The following ARNT2 variants were observed in gnomAD, a reference collection of about 807,000 sequenced individuals.
ARNT2 encodes ARNT protein 2.
Under a neutral mutation model 91.7 loss-of-function variants are expected in ARNT2, and 36 were observed. The observed-to-expected ratio is 0.39, with a 90% CI of 0.30 to 0.52. The LOEUF (loss-of-function observed/expected upper bound fraction) is 0.52, where lower values mean the gene tolerates loss of function less well. ARNT2 is among the 20% of genes least tolerant of loss of function. ARNT2 has a pLI of 0.72. For missense variants in ARNT2, 775 were observed against 939.3 expected, an observed-to-expected ratio of 0.83 and a Z score of 2.29; for synonymous variants, 365 against 347.1, an observed-to-expected ratio of 1.05 and a Z score of -0.57.
At chr15:80,429,830 C>T (rs1001436398) in intron 1 of ARNT2, among the ~76,000 whole-genome samples, 2 of 152,270 alleles carry the variant, frequency 1.3e-5, no homozygotes, top group Admixed American at 1.3e-4. Context: ...AAAGCCCGCC[C>T]ACTGACAGAG....
chr15:80,495,509 G>A (rs1235945403), intron 5 of ARNT2, among the ~76,000 whole-genome samples: 1 of 152,192 alleles, frequency 6.6e-6, no homozygotes, highest in Non-Finnish European at 1.5e-5. Context: ...GTTCCGGGAG[G>A]TAGAAGTTTT....
Position 80,579,570 on chromosome 15 carries a change from G to A in ARNT2, c.1614-841G>A, listed in dbSNP as rs117975564. On this transcript the variant is annotated intron_variant, in intron 15 of 18. Coordinates refer to ENST00000303329, the MANE Select transcript of ARNT2 (RefSeq NM_014862.4). ...TGATGAGCCCCATTCTGCCCTACTTGACTGATTCATGGGCACCCAGCGCAC... is the reference window on the plus strand; with the variant it reads ...TGATGAGCCCCATTCTGCCCTACTTAACTGATTCATGGGCACCCAGCGCAC... 4.3e-3 allele frequency among the ~76,000 whole-genome samples: 648 copies of A among 152,206 alleles called. 3 individuals carry two copies. Among genetic ancestry groups the A allele is most frequent in the Non-Finnish European group, 7.3e-3 (495 of 68,016 alleles).
chr15:80,564,618 A>T (rs903296353), intron 12 of ARNT2, among the ~76,000 whole-genome samples: 2 of 151,954 alleles, frequency 1.3e-5, no homozygotes, highest in South Asian at 2.1e-4. Context: ...CTTCAGCTGA[A>T]TCCATCACCC....
chr15:80,490,738 A>G (rs999810502), intron 5 of ARNT2, among the ~76,000 whole-genome samples: 4 of 152,240 alleles, frequency 2.6e-5, no homozygotes, highest in Non-Finnish European at 5.9e-5. Context: ...GGCAAATTGC[A>G]TATCTTAGTT....
At chr15:80,513,639 T>C (rs1312862104) in intron 6 of ARNT2, among the ~76,000 whole-genome samples, 1 of 149,766 alleles carries the variant, frequency 6.7e-6, no homozygotes, top group South Asian at 2.1e-4. Flanking sequence ...AGTCTTTCTG[T>C]AGGTCTCCAG....
intron 12 of ARNT2, among the ~76,000 whole-genome samples, chr15:80,568,943 C>A (rs1898534473): frequency 6.6e-6 from 1 of 152,212 alleles, no homozygotes. Flanking sequence ...CACGCGCACA[C>A]ACACGCGCGT....
At chr15:80,438,418 A>T (rs556736900) in intron 1 of ARNT2, among the ~76,000 whole-genome samples, 1 of 152,208 alleles carries the variant, frequency 6.6e-6, no homozygotes, top group African/African-American at 2.4e-5. Context: ...CTTGGCAACT[A>T]ATTTGTCCTT....
chr15:80,480,690 G>T (rs186668671), intron 5 of ARNT2, among the ~76,000 whole-genome samples: 1 of 152,072 alleles, frequency 6.6e-6, no homozygotes, highest in Non-Finnish European at 1.5e-5. Flanking sequence ...TCAAAATAGA[G>T]CTGTCCAACA....
At chr15:80,433,996 T>C (rs1346421956) in intron 1 of ARNT2, 3 of 152,266 alleles carry the variant, frequency 2.0e-5, no homozygotes, top group Admixed American at 6.5e-5. Context: ...CTCTCTGGAA[T>C]GAGGGTCTTA....
At chr15:80,494,949 C>T (rs1005406630) in intron 5 of ARNT2, among the ~76,000 whole-genome samples, 3 of 152,126 alleles carry the variant, frequency 2.0e-5, no homozygotes, top group African/African-American at 7.2e-5. Flanking sequence ...AGCACCTTCC[C>T]CAGATGGTAC....
intron 5 of ARNT2, 141 bp from the exon 6 acceptor site, chr15:80,508,015 G>A (rs1204562138): frequency 4.2e-6 from 3 of 710,786 alleles, no homozygotes; most frequent in East Asian, 5.6e-5. Context: ...AGAATGTTGG[G>A]AATTCCAAGA....
chr15:80,535,325 A>G (rs1363537069), intron 8 of ARNT2, among the ~76,000 whole-genome samples: 2 of 152,248 alleles, frequency 1.3e-5, no homozygotes, highest in African/African-American at 2.4e-5. Flanking sequence ...GCCTACAGGC[A>G]GGAATGGGTA....
chr15:80,532,706 C>G (rs1897758457), intron 8 of ARNT2, among the ~76,000 whole-genome samples: 2 of 152,182 alleles, frequency 1.3e-5, no homozygotes, highest in South Asian at 4.1e-4. Context: ...ATTTGCCTTT[C>G]ATAACTGTCC....
chr15:80,591,451 C>A lies in ARNT2; in HGVS notation c.1919-117C>A. On this transcript the variant is annotated intron_variant, in intron 17 of 18. Transcript: ENST00000303329. This position sits in a 1 kb window ranked among gnomAD's most constrained non-coding sequence, Gnocchi z 5.1. Reference sequence around the variant, plus strand: ...GAGGATAGCAAACACATTCCGCCAGCTCTGGATGGAACGTGCCTTTCAGAA... The same window carrying A: ...GAGGATAGCAAACACATTCCGCCAGATCTGGATGGAACGTGCCTTTCAGAA... 7.6e-7 allele frequency: 1 copy of A among 1,311,140 alleles called. No homozygotes were observed. The highest frequency in any genetic ancestry group is 1.1e-6 in the Non-Finnish European group (1 of 925,348). 81.2% of individuals were successfully genotyped at this position (1,311,140 alleles called of 1,614,324 possible).
chr15:80,463,439 G>A (rs1204439429), intron 3 of ARNT2, among the ~76,000 whole-genome samples: 1 of 152,202 alleles, frequency 6.6e-6, no homozygotes, highest in Non-Finnish European at 1.5e-5. Flanking sequence ...ATTTGGTACA[G>A]TGTTGCTTAT....
intron 12 of ARNT2, among the ~76,000 whole-genome samples, chr15:80,563,548 C>A (rs1358342674): frequency 6.6e-6 from 1 of 152,248 alleles, no homozygotes; most frequent in African/African-American, 2.4e-5. Context: ...CCTCAGCCAA[C>A]TGGAGCTCTG....
intron 17 of ARNT2, among the ~76,000 whole-genome samples, chr15:80,584,267 G>A (rs4778829): frequency 0.13 from 19,496 of 152,228 alleles, 1,543 homozygotes; most frequent in South Asian, 0.2. Flanking sequence ...GTTCACATCA[G>A]AGGTGTAGAG....
intron 1 of ARNT2, among the ~76,000 whole-genome samples, chr15:80,434,860 C>G (rs1279172284): frequency 6.6e-6 from 1 of 151,908 alleles, no homozygotes; most frequent in Admixed American, 6.5e-5. Context: ...GTGGTACTTT[C>G]ATGGAAGTTT....
At chr15:80,513,469 G>A (rs1897374854) in intron 6 of ARNT2, among the ~76,000 whole-genome samples, 1 of 152,200 alleles carries the variant, frequency 6.6e-6, no homozygotes, top group Non-Finnish European at 1.5e-5. Context: ...CTGAGAAGAT[G>A]TTACTGTTCA....
Sources: gnomAD v4.1 joint callset for allele counts (sites outside exome capture counted in the v4.1 genomes callset) on GRCh38, gnomAD v4.1.1 for gene constraint, Gnocchi (gnomAD v3.1) non-coding constraint, MANE v1.5 for transcripts, NCBI Gene and HGNC (gene_info 2026-07-23, HGNC 2026-07-21) for gene names.